Variants in CDH12 observed in about 807,000 individuals in gnomAD.
CDH12 encodes cadherin-12.
CDH12 carries 41 observed loss-of-function variants against 74.1 expected under a neutral mutation model. The observed-to-expected ratio is 0.55, with a 90% confidence interval of 0.43 to 0.72. The LOEUF (loss-of-function observed/expected upper bound fraction) is 0.72. Among genes scored for constraint, CDH12 ranks in the 30% least tolerant of loss-of-function variants. CDH12 has a pLI of 0.00. For synonymous variants in CDH12, 399 were observed against 355.0 expected (o/e 1.12, Z -1.39); for missense variants, 945 against 977.2 (o/e 0.97, Z 0.44).
chr5:21,973,199 C>A (rs1256921492), intron 6 of CDH12, among the ~76,000 whole-genome samples: 1 of 151,874 alleles, frequency 6.6e-6, no homozygotes, highest in Non-Finnish European at 1.5e-5. Context: ...AGACCAAGAC[C>A]CAGTCTCAAA....
At chr5:22,578,706 T>A (rs1478002727) in intron 1 of CDH12, among the ~76,000 whole-genome samples, 1 of 152,082 alleles carries the variant, frequency 6.6e-6, no homozygotes, top group Non-Finnish European at 1.5e-5. Context: ...TCCTTCCTCT[T>A]TTCCTTCTTT....
intron 3 of CDH12, among the ~76,000 whole-genome samples, chr5:22,289,674 G>A (rs184499412): frequency 3.7e-4 from 56 of 152,214 alleles, no homozygotes; most frequent in Non-Finnish European, 1.3e-4. Context: ...AAGAAGGAAG[G>A]TAGGAAGAAT....
intron 4 of CDH12, among the ~76,000 whole-genome samples, chr5:22,123,236 G>T (rs970903872): frequency 6.6e-6 from 1 of 152,110 alleles, no homozygotes; most frequent in South Asian, 2.1e-4. Flanking sequence ...TGAGCACCTA[G>T]TAAGAAGACA....
chr5:22,388,588 T>A (rs907826520), intron 3 of CDH12, among the ~76,000 whole-genome samples: 22 of 152,164 alleles, frequency 1.4e-4, no homozygotes, highest in Non-Finnish European at 3.1e-4. Context: ...CAACACTTTT[T>A]AAATAGATCC....
chr5:22,362,849 C>T (rs1468693637), intron 3 of CDH12, among the ~76,000 whole-genome samples: 1 of 146,878 alleles, frequency 6.8e-6, no homozygotes, highest in Admixed American at 7.2e-5. Context: ...CCAAACACCG[C>T]ATGTTCTCAC....
chr5:22,603,791 A>G (rs2126815774), intron 1 of CDH12, among the ~76,000 whole-genome samples: 1 of 152,314 alleles, frequency 6.6e-6, no homozygotes, highest in Middle Eastern at 3.4e-3. Context: ...AAAAGAGAAA[A>G]AGAGATGAAC....
chr5:22,570,120 ATC>A (rs1739473446), intron 1 of CDH12, among the ~76,000 whole-genome samples: 1 of 151,868 alleles, frequency 6.6e-6, no homozygotes, highest in Non-Finnish European at 1.5e-5. Context: ...CAGTGGAGTG[ATC>A]TCGGCTCACT....
intron 6 of CDH12, among the ~76,000 whole-genome samples, chr5:21,901,242 G>A (rs1753370971): frequency 6.6e-6 from 1 of 152,040 alleles, no homozygotes; most frequent in Non-Finnish European, 1.5e-5. Context: ...ACATGTTTTT[G>A]TATGCCTAGA....
At chr5:22,707,669 A>T (rs2126969104) in intron 1 of CDH12, among the ~76,000 whole-genome samples, 1 of 152,312 alleles carries the variant, frequency 6.6e-6, no homozygotes, top group East Asian at 1.9e-4. Context: ...CTGCTCCATT[A>T]AGACATATGG....
intron 3 of CDH12, among the ~76,000 whole-genome samples, chr5:22,237,287 A>G (rs1752591636): frequency 6.6e-6 from 1 of 152,098 alleles, no homozygotes; most frequent in Admixed American, 6.5e-5. Flanking sequence ...CTTTGAGGAA[A>G]ATTCTGGCTA....
Position 21,968,692 on chromosome 5 carries a change from C to T in CDH12, c.526+6399G>A, listed in dbSNP as rs114800373. Among the ~76,000 whole-genome samples the T allele has an allele frequency of 3.5e-3, 537 of 152,136 alleles. 4 individuals are homozygous for T. The highest frequency in any genetic ancestry group is 0.012 in the African/African-American group (502 of 41,496). ...GTCTAGAGATATTATTCCTGTTTTG[C>T]CACTGTATTTTTGGTGAGTGTGTAG... On this transcript the variant is annotated intron_variant, in intron 6 of 14. Coordinates refer to ENST00000382254, the MANE Select transcript of CDH12 (RefSeq NM_004061.5).
intron 1 of CDH12, among the ~76,000 whole-genome samples, chr5:22,805,673 T>G (rs1483763836): frequency 1.3e-5 from 2 of 152,156 alleles, no homozygotes; most frequent in Non-Finnish European, 2.9e-5. Context: ...CTTTTCATCA[T>G]TATTCTTTAA....
Position 22,839,343 on chromosome 5 carries a change from ATTAC to A in CDH12, c.-523+13711_-523+13714del, listed in dbSNP as rs1366757677. On this transcript the variant is annotated intron_variant, in intron 1 of 14. Coordinates refer to ENST00000382254, the MANE Select transcript of CDH12 (RefSeq NM_004061.5). ...GTCCCTATGCTAGTTTACAATCAAA[ATTAC>A]TTGTCTTTTTTTTTTTTTTTTTTTG... is the stretch of plus-strand genomic sequence containing the variant. Among the ~76,000 whole-genome samples the A allele has an allele frequency of 4.1e-5, 6 of 146,518 alleles. No homozygotes were observed. In the East Asian group the frequency reaches 1.2e-3, roughly 30 times the overall value.
At chr5:22,794,864 A>G (rs1748104846) in intron 1 of CDH12, among the ~76,000 whole-genome samples, 1 of 152,162 alleles carries the variant, frequency 6.6e-6, no homozygotes, top group African/African-American at 2.4e-5. Context: ...CTAATAAAAG[A>G]AAGACAACAG....
intron 1 of CDH12, among the ~76,000 whole-genome samples, chr5:22,555,438 T>C (rs974010664): frequency 9.9e-5 from 15 of 151,968 alleles, no homozygotes; most frequent in African/African-American, 3.1e-4. Context: ...AAATGCCATC[T>C]CTTTAGAAAT....
chr5:22,729,653 G>T (rs1472046647), intron 1 of CDH12, among the ~76,000 whole-genome samples: 2 of 151,876 alleles, frequency 1.3e-5, no homozygotes, highest in African/African-American at 4.8e-5. Flanking sequence ...TACAGCTGAA[G>T]CATTAGACTG....
chr5:21,844,269 T>C (rs1750035756), intron 7 of CDH12, among the ~76,000 whole-genome samples: 2 of 152,152 alleles, frequency 1.3e-5, no homozygotes, highest in African/African-American at 4.8e-5. Flanking sequence ...AAAGTTCTTC[T>C]CCCACCTTAA....
At chr5:22,544,130 TA>T (rs199737296) in intron 1 of CDH12, among the ~76,000 whole-genome samples, 2,736 of 152,258 alleles carry the variant, frequency 0.018, 33 homozygotes, top group Non-Finnish European at 0.027. Context: ...GTGCATCATT[TA>T]CTTTTTTTTT....
chr5:22,214,752 T>C (rs1048878162), intron 3 of CDH12, among the ~76,000 whole-genome samples: 1 of 152,178 alleles, frequency 6.6e-6, no homozygotes, highest in Non-Finnish European at 1.5e-5. Context: ...CGAAACTTTG[T>C]GCCATAGTAG....
Sources: gnomAD v4.1 joint callset for allele counts (sites outside exome capture counted in the v4.1 genomes callset) on GRCh38, gnomAD v4.1.1 for gene constraint, MANE v1.5 for transcripts, NCBI Gene and HGNC (gene_info 2026-07-23, HGNC 2026-07-21) for gene names.